The following CEP170 variants were observed in gnomAD, a reference collection of about 807,000 sequenced individuals.
CEP170 encodes centrosomal protein 170.
In CEP170, 21 loss-of-function variants were observed where a neutral mutation model predicts 151.9. That is an observed-to-expected ratio of 0.14 (90% CI 0.10 to 0.20). The LOEUF (loss-of-function observed/expected upper bound fraction) is 0.20, where lower values mean the gene tolerates loss of function less well. Ranked by LOEUF, CEP170 falls within the 10% of genes least tolerant of loss-of-function variation. The pLI is 1.00. For synonymous variants in CEP170, 356 were observed against 648.8 expected (o/e 0.55, Z 6.86); for missense variants, 964 against 1,892.9 (o/e 0.51, Z 9.11).
chr1:243,156,650 A>G, intron 13 of CEP170, 195 bp from the exon 14 acceptor site: 1 of 470,802 alleles, frequency 2.1e-6, no homozygotes. Flanking sequence ...GTGAATTAAA[A>G]ACAATGAAGA....
intron 14 of CEP170, among the ~76,000 whole-genome samples, chr1:243,148,744 A>C (rs1183492854): frequency 6.6e-6 from 1 of 152,144 alleles, no homozygotes; most frequent in Non-Finnish European, 1.5e-5. Flanking sequence ...ACTATAAAGA[A>C]GGTTCACAAA....
At chr1:243,194,822 ATAT>A (rs1294087506) in intron 7 of CEP170, among the ~76,000 whole-genome samples, 1 of 151,882 alleles carries the variant, frequency 6.6e-6, no homozygotes, top group Non-Finnish European at 1.5e-5. Context: ...GACTAATATT[ATAT>A]TATTAATCTC....
chr1:243,251,228 T>A (rs139853512), intron 1 of CEP170, among the ~76,000 whole-genome samples: 1 of 152,162 alleles, frequency 6.6e-6, no homozygotes, highest in African/African-American at 2.4e-5. Flanking sequence ...TGTGGAGAAG[T>A]TGGACCCAAT....
chr1:243,227,395 A>C (rs770241709), intron 1 of CEP170, among the ~76,000 whole-genome samples: 128 of 152,348 alleles, frequency 8.4e-4, no homozygotes, highest in South Asian at 1.5e-3. Context: ...TATTTTATTA[A>C]ATCAAGAGTC....
At chr1:243,129,584 G>A (rs1455351525) in intron 17 of CEP170, 131 bp from the exon 18 acceptor site, 1 of 761,486 alleles carries the variant, frequency 1.3e-6, no homozygotes, top group East Asian at 3.0e-5. Context: ...CGCATAAACT[G>A]AGAATTAAAA....
intron 1 of CEP170, among the ~76,000 whole-genome samples, chr1:243,233,460 G>A (rs1035131569): frequency 6.6e-5 from 10 of 151,998 alleles, no homozygotes; most frequent in Admixed American, 5.2e-4. Context: ...CAGGCCAGGC[G>A]CGGTGGCTCA....
At chr1:243,240,740 T>G (rs1357508060) in intron 1 of CEP170, among the ~76,000 whole-genome samples, 1 of 152,118 alleles carries the variant, frequency 6.6e-6, no homozygotes, top group Non-Finnish European at 1.5e-5. Context: ...TTGCCCAGAC[T>G]GGAGTGCAAT....
intron 4 of CEP170, among the ~76,000 whole-genome samples, chr1:243,202,471 C>G (rs1157198161): frequency 2.0e-5 from 3 of 151,788 alleles, no homozygotes; most frequent in African/African-American, 7.3e-5. Context: ...TTTAAAAAGA[C>G]AAAAAATGTG....
chr1:243,253,118 T>A (rs1167680984), intron 1 of CEP170: 1 of 152,182 alleles, frequency 6.6e-6, no homozygotes, highest in Non-Finnish European at 1.5e-5. Context: ...GTAGCTACCA[T>A]TAGGTAGTAG....
chr1:243,222,832 G>A (rs1482421114), intron 2 of CEP170, among the ~76,000 whole-genome samples: 1 of 152,156 alleles, frequency 6.6e-6, no homozygotes, highest in Non-Finnish European at 1.5e-5. Flanking sequence ...AGCAAATACA[G>A]AGAGAATCAC....
intron 8 of CEP170, among the ~76,000 whole-genome samples, chr1:243,189,186 T>A (rs2060119085): frequency 6.6e-6 from 1 of 152,194 alleles, no homozygotes. Context: ...CATGTGGACA[T>A]TAATCCCTCT....
intron 7 of CEP170, among the ~76,000 whole-genome samples, chr1:243,193,170 T>C (rs1178818916): frequency 6.6e-6 from 1 of 152,152 alleles, no homozygotes; most frequent in Non-Finnish European, 1.5e-5. Flanking sequence ...GTGTTTACTC[T>C]GAAGTCATGT....
At chr1:243,167,182 G>A (rs1311066143) in intron 12 of CEP170, among the ~76,000 whole-genome samples, 1 of 151,894 alleles carries the variant, frequency 6.6e-6, no homozygotes, top group East Asian at 1.9e-4. Context: ...AACATAACTA[G>A]TTTTTAAAAA....
At chr1:243,151,540 C>T (rs1489050807) in intron 14 of CEP170, among the ~76,000 whole-genome samples, 2 of 152,014 alleles carry the variant, frequency 1.3e-5, no homozygotes, top group Non-Finnish European at 2.9e-5. Context: ...TAATCCAGAG[C>T]AAAATCTGAA....
At chr1:243,238,850 TA>T (rs1192308931) in intron 1 of CEP170, among the ~76,000 whole-genome samples, 1 of 152,248 alleles carries the variant, frequency 6.6e-6, no homozygotes, top group African/African-American at 2.4e-5. Flanking sequence ...TAATGATCTC[TA>T]GTATTGCTAT....
At chr1:243,249,485 T>C (rs1279811307) in intron 1 of CEP170, among the ~76,000 whole-genome samples, 1 of 151,900 alleles carries the variant, frequency 6.6e-6, no homozygotes, top group Non-Finnish European at 1.5e-5. Flanking sequence ...TAAGAAATAA[T>C]AAAAATAGCT....
chr1:243,184,925 C>T (rs982114452), intron 10 of CEP170, among the ~76,000 whole-genome samples: 4 of 152,086 alleles, frequency 2.6e-5, no homozygotes, highest in Admixed American at 6.6e-5. Flanking sequence ...GCTGCTAACC[C>T]GTGGAGTGGA....
chr1:243,202,393 C>G (rs2061106840), intron 4 of CEP170, among the ~76,000 whole-genome samples: 1 of 152,128 alleles, frequency 6.6e-6, no homozygotes, highest in Admixed American at 6.6e-5. Context: ...AAATCCCAGA[C>G]TTCACCCTTG....
chr1:243,231,099 G>GAA (rs35952661), intron 1 of CEP170, among the ~76,000 whole-genome samples: 48 of 147,352 alleles, frequency 3.3e-4, no homozygotes, highest in East Asian at 7.9e-4. Flanking sequence ...GAAAGGAGAA[G>GAA]AAAAAAAAAA....
Sources: gnomAD v4.1 joint callset for allele counts (sites outside exome capture counted in the v4.1 genomes callset) on GRCh38, gnomAD v4.1.1 for gene constraint, MANE v1.5 for transcripts, NCBI Gene and HGNC (gene_info 2026-07-23, HGNC 2026-07-21) for gene names.